YES1: variants seen among roughly 807,000 people sequenced by gnomAD.
YES1 encodes the protein tyrosine-protein kinase Yes.
YES1 carries 39 observed loss-of-function variants against 70.4 expected under a neutral mutation model. The ratio of observed to expected loss-of-function variants is 0.55; its 90% CI spans 0.43 to 0.72. YES1 has a LOEUF of 0.72. YES1 is among the 30% of genes least tolerant of loss of function. YES1 has a pLI of 0.00. For missense variants in YES1, 495 were observed against 644.8 expected (o/e 0.77, Z 2.52); for synonymous variants, 198 against 218.6 (o/e 0.91, Z 0.83).
rs112780479 is a variant in YES1, at chr18:723,394, C to A, written c.*1030G>T. The stretch of plus-strand genomic sequence containing the variant: ...ATCCCTCTAACTTGTAAAACTTTCA[C>A]TTTCTTTTCTCGTATTTCTTTTAAA... On this transcript the variant is annotated 3_prime_UTR_variant, in exon 12 of 12. Transcript: ENST00000314574. 6.6e-6 allele frequency: 1 copy of A among 152,140 alleles called. No individual in the cohort carries two copies. Among genetic ancestry groups the A allele is most frequent in the African/African-American group, 2.4e-5 (1 of 41,284 alleles). The allele number at this position is 152,140 out of a possible 1,614,324, so 9.4% of individuals were successfully genotyped here. A position where few individuals can be genotyped will look rare whatever the true frequency, so the allele number is the denominator to read the frequency against.
At chr18:793,833 T>A (rs1452974345) in intron 1 of YES1, among the ~76,000 whole-genome samples, 4 of 152,114 alleles carry the variant, frequency 2.6e-5, no homozygotes, top group African/African-American at 4.8e-5. Context: ...AGGCTCTTGC[T>A]GACCAAACAC....
chr18:798,687 C>G (rs1157817864), intron 1 of YES1, among the ~76,000 whole-genome samples: 4 of 152,044 alleles, frequency 2.6e-5, no homozygotes, highest in Non-Finnish European at 4.4e-5. Flanking sequence ...ACTCTGACCC[C>G]CTCCCTCCAC....
At position 751,778 on chromosome 18, in the gene YES1, A is replaced by C. The variant is rs1372989572; in HGVS notation, c.298T>G (p.Tyr100Asp). 6.2e-7 allele frequency: 1 copy of C among 1,605,198 alleles called. No homozygotes were observed. The highest frequency in any genetic ancestry group is 8.5e-7 in the Non-Finnish European group (1 of 1,172,560). ...TGGVTIFVAL[Y>D]DYEARTTEDL... Reference sequence around the variant, plus strand: ...TCTGTAGTTCTAGCTTCATAATCATATAAGGCCACAAATATAGTAACACCA... The same window carrying C: ...TCTGTAGTTCTAGCTTCATAATCATCTAAGGCCACAAATATAGTAACACCA... Residue 100 changes from tyrosine (Y) to aspartate (D), a missense_variant, in exon 3 of 12, where the codon TAT (tyrosine) becomes GAT (aspartate). Around this residue, in one of 2 missense-constraint regions of YES1, gnomAD observed 385 missense variants for 540.9 expected, o/e 0.71. Coordinates refer to ENST00000314574, the MANE Select transcript of YES1 (RefSeq NM_005433.4).
At chr18:803,466 C>A (rs116519574) in intron 1 of YES1, among the ~76,000 whole-genome samples, 2,730 of 152,326 alleles carry the variant, frequency 0.018, 89 homozygotes, top group African/African-American at 0.063. Flanking sequence ...TAACACTCCT[C>A]ATTTTCCCAA....
chr18:793,046 T>TG (rs1232785544), intron 1 of YES1, among the ~76,000 whole-genome samples: 2 of 146,974 alleles, frequency 1.4e-5, no homozygotes, highest in African/African-American at 4.9e-5. Context: ...ATTATTGGTT[T>TG]TTTTTTTTTT....
intron 11 of YES1, among the ~76,000 whole-genome samples, chr18:726,427 A>G (rs2080020188): frequency 6.6e-6 from 1 of 151,210 alleles, no homozygotes; most frequent in Admixed American, 6.6e-5. Context: ...TCCATCTCAA[A>G]AACACAAAAA....
intron 1 of YES1, among the ~76,000 whole-genome samples, chr18:782,772 G>A (rs1200390636): frequency 1.3e-5 from 2 of 152,146 alleles, no homozygotes; most frequent in Non-Finnish European, 2.9e-5. Flanking sequence ...TCGGCTCACT[G>A]CAACCTCCAC....
chr18:785,471 G>A (rs1905888451), intron 1 of YES1, among the ~76,000 whole-genome samples: 1 of 149,448 alleles, frequency 6.7e-6, no homozygotes, highest in African/African-American at 2.4e-5. Flanking sequence ...CTTGTTCTAA[G>A]TAGCTGGAAG....
intron 1 of YES1, among the ~76,000 whole-genome samples, chr18:772,035 G>GT (rs879920795): frequency 9.0e-4 from 134 of 148,640 alleles, no homozygotes; most frequent in Non-Finnish European, 1.2e-3. Flanking sequence ...GCATGTTCAA[G>GT]TTTTTTTTTT....
At chr18:768,396 G>A (rs1568206400) in intron 1 of YES1, among the ~76,000 whole-genome samples, 4 of 152,190 alleles carry the variant, frequency 2.6e-5, no homozygotes, top group South Asian at 2.1e-4. Context: ...ACTGACTTCC[G>A]CTTGATCCAT....
Position 724,418 on chromosome 18 carries a change from C to T in YES1, c.*6G>A, listed in dbSNP as rs752021580. On this transcript the variant is annotated 3_prime_UTR_variant, in exon 12 of 12. Coordinates refer to ENST00000314574, the MANE Select transcript of YES1 (RefSeq NM_005433.4). Reference sequence around the variant, plus strand: ...AGATTTGTGCATATAAAATAGGCTACTTGAATTATAAATTTTCTCCTGGCT... The same window carrying T: ...AGATTTGTGCATATAAAATAGGCTATTTGAATTATAAATTTTCTCCTGGCT... 3.7e-6 allele frequency: 6 copies of T among 1,612,288 alleles called. No homozygotes were observed. The highest frequency in any genetic ancestry group is 3.3e-5 in the South Asian group (3 of 90,926).
chr18:766,446 A>G (rs547972558), intron 1 of YES1, among the ~76,000 whole-genome samples: 1 of 152,110 alleles, frequency 6.6e-6, no homozygotes, highest in South Asian at 2.1e-4. Context: ...ATAGCACTAC[A>G]TGATTAGTGA....
In YES1 at chr18:806,851, C is replaced by T. The variant is rs765696495; in HGVS notation, c.-9+5263G>A. 4.5e-4 allele frequency among the ~76,000 whole-genome samples: 69 copies of T among 152,232 alleles called. 1 individual carries two copies. Among genetic ancestry groups the T allele is most frequent in the Admixed American group, 3.1e-3 (48 of 15,282 alleles). On this transcript the variant is annotated intron_variant, in intron 1 of 11. Transcript: ENST00000314574. ...CTTCCTCTGGTTATACAAGTTTGAG[C>T]ACTACTTTTCTCAATCCTCTCTAAT... is the stretch of plus-strand genomic sequence containing the variant.
intron 1 of YES1, among the ~76,000 whole-genome samples, chr18:762,467 C>G (rs997410239): frequency 6.6e-6 from 1 of 152,094 alleles, no homozygotes; most frequent in Non-Finnish European, 1.5e-5. Flanking sequence ...CAAACCTGCA[C>G]GTGCACCCCT....
At chr18:744,394 C>CTT (rs397723072) in intron 6 of YES1, among the ~76,000 whole-genome samples, 122 of 143,352 alleles carry the variant, frequency 8.5e-4, no homozygotes, top group African/African-American at 1.6e-3. Context: ...GAGATTTTTT[C>CTT]TTTTTTTTTT....
At chr18:781,096 C>T (rs1438723557) in intron 1 of YES1, among the ~76,000 whole-genome samples, 2 of 151,910 alleles carry the variant, frequency 1.3e-5, no homozygotes, top group African/African-American at 2.4e-5. Flanking sequence ...GGTGAAACCC[C>T]GTTTCTACTA....
chr18:792,893 C>T (rs745920676), intron 1 of YES1, among the ~76,000 whole-genome samples: 1 of 151,864 alleles, frequency 6.6e-6, no homozygotes, highest in African/African-American at 2.4e-5. Context: ...AACACCCACC[C>T]CTACTTTTTA....
At chr18:731,966 C>CAAAAAAAAAAAAAAAA (rs1165333694) in intron 11 of YES1, among the ~76,000 whole-genome samples, 4 of 79,968 alleles carry the variant, frequency 5.0e-5, no homozygotes, top group African/African-American at 2.0e-4. Flanking sequence ...GACTCCATTT[C>CAAAAAAAAAAAAAAAA]AAAAAAAAAA....
At chr18:742,449 A>G (rs1427556810) in intron 8 of YES1, among the ~76,000 whole-genome samples, 1 of 122,358 alleles carries the variant, frequency 8.2e-6, no homozygotes, top group Non-Finnish European at 1.7e-5. Context: ...TTGAGACCCC[A>G]GTCTCTATTT....
Sources: gnomAD v4.1 joint callset for allele counts (sites outside exome capture counted in the v4.1 genomes callset) on GRCh38, gnomAD v4.1.1 for gene constraint, gnomAD v4.1.1 regional missense constraint, MANE v1.5 for transcripts, NCBI Gene and HGNC (gene_info 2026-07-23, HGNC 2026-07-21) for gene names.